Variants in PARD3 observed in about 807,000 individuals in gnomAD.
The protein encoded by PARD3 is partitioning defective 3 homolog.
PARD3 carries 75 observed loss-of-function variants against 155.4 expected under a neutral mutation model. That is an observed-to-expected ratio of 0.48 (90% confidence interval 0.40 to 0.58). The LOEUF is 0.58. Ranked by LOEUF, PARD3 falls within the 20% of genes least tolerant of loss-of-function variation. PARD3 has a pLI of 0.00. For missense variants in PARD3, 1,642 were observed against 1,721.7 expected (o/e 0.95, Z 0.82); for synonymous variants, 576 against 610.5 (o/e 0.94, Z 0.83).
intron 5 of PARD3, among the ~76,000 whole-genome samples, chr10:34,412,402 G>A (rs190155006): frequency 5.9e-4 from 89 of 152,114 alleles, no homozygotes; most frequent in African/African-American, 2.0e-3. Context: ...CTCTCCTTCC[G>A]CTTTAATAAG....
At chr10:34,469,269 C>T (rs574104782) in intron 4 of PARD3, among the ~76,000 whole-genome samples, 1 of 152,296 alleles carries the variant, frequency 6.6e-6, no homozygotes, top group Admixed American at 6.5e-5. Context: ...TGCCAGCACA[C>T]CTGGCTAATT....
intron 24 of PARD3, among the ~76,000 whole-genome samples, chr10:34,116,263 T>TG (rs1451431572): frequency 2.6e-5 from 4 of 152,234 alleles, no homozygotes; most frequent in African/African-American, 9.6e-5. Context: ...CCACCTTATC[T>TG]AATGCAACGG....
intron 22 of PARD3, among the ~76,000 whole-genome samples, chr10:34,185,279 G>C (rs1443481784): frequency 1.3e-5 from 2 of 152,344 alleles, no homozygotes; most frequent in East Asian, 3.9e-4. Context: ...CCTGGGTCCT[G>C]ATCTGCAAAT....
intron 1 of PARD3, among the ~76,000 whole-genome samples, chr10:34,750,775 G>GC (rs1296864728): frequency 1.3e-5 from 2 of 148,664 alleles, no homozygotes; most frequent in East Asian, 2.0e-4. Flanking sequence ...TGCAACCTCC[G>GC]CCCCCCGGGT....
At chr10:34,270,306 C>A (rs906347348) in intron 21 of PARD3, among the ~76,000 whole-genome samples, 7 of 152,010 alleles carry the variant, frequency 4.6e-5, no homozygotes, top group African/African-American at 1.7e-4. Flanking sequence ...CCACGCCTGG[C>A]TAATTTTTGT....
intron 2 of PARD3, among the ~76,000 whole-genome samples, chr10:34,635,526 G>T (rs556718401): frequency 1.4e-4 from 22 of 152,284 alleles, no homozygotes; most frequent in African/African-American, 5.1e-4. Flanking sequence ...CAGAACTAAG[G>T]GAGATAGTAA....
At chr10:34,502,129 A>G (rs1282185085) in intron 3 of PARD3, among the ~76,000 whole-genome samples, 2 of 152,208 alleles carry the variant, frequency 1.3e-5, no homozygotes, top group African/African-American at 4.8e-5. Context: ...TTGGTTGTTT[A>G]TCAGCCACCC....
At position 34,698,674 on chromosome 10, in the gene PARD3, T is replaced by G. The variant is rs1028112618; in HGVS notation, c.121-2255A>C. 5.9e-5 allele frequency among the ~76,000 whole-genome samples: 9 copies of G among 152,198 alleles called. 1 individual carries two copies. The highest frequency in any genetic ancestry group is 1.3e-4 in the Admixed American group (2 of 15,284). On this transcript the variant is annotated intron_variant, in intron 1 of 24. Transcript: ENST00000374788. ...CTCCCACCTCAGCCTCCCAAAGTGC[T>G]GGGATGATAGGCATGAGCCACTGAG...
At chr10:34,684,778 TAC>T (rs3087285) in intron 2 of PARD3, among the ~76,000 whole-genome samples, 6,378 of 118,694 alleles carry the variant, frequency 0.054, 129 homozygotes, top group East Asian at 0.079. Context: ...TGATGATACA[TAC>T]ACACACACAC....
chr10:34,651,049 A>AAAAAAAAAAAG (rs1564461753), intron 2 of PARD3, among the ~76,000 whole-genome samples: 1 of 128,866 alleles, frequency 7.8e-6, no homozygotes, highest in Non-Finnish European at 1.6e-5. Context: ...AAAAAAAAAA[A>AAAAAAAAAAAG]GGCAGTACAC....
chr10:34,289,276 G>A (rs1310484644), intron 20 of PARD3, among the ~76,000 whole-genome samples: 2 of 152,118 alleles, frequency 1.3e-5, no homozygotes, highest in Admixed American at 6.5e-5. Flanking sequence ...TGCAACCTCC[G>A]CCTCCCAGGT....
At chr10:34,550,529 T>C (rs1403194746) in intron 2 of PARD3, among the ~76,000 whole-genome samples, 2 of 152,150 alleles carry the variant, frequency 1.3e-5, no homozygotes, top group Non-Finnish European at 2.9e-5. Flanking sequence ...CCACCTTTAA[T>C]GTATTGGAAC....
intron 13 of PARD3, among the ~76,000 whole-genome samples, chr10:34,359,689 C>G (rs1215311155): frequency 6.6e-6 from 1 of 152,078 alleles, no homozygotes; most frequent in Non-Finnish European, 1.5e-5. Context: ...AGAACTGTCC[C>G]CTTAACAAAT....
At chr10:34,416,988 A>G (rs1184904358) in intron 5 of PARD3, among the ~76,000 whole-genome samples, 1 of 152,236 alleles carries the variant, frequency 6.6e-6, no homozygotes, top group Non-Finnish European at 1.5e-5. Context: ...AGCAAGGATG[A>G]TAACAGGGGA....
intron 22 of PARD3, among the ~76,000 whole-genome samples, chr10:34,216,931 CCTCATT>C (rs1206199478): frequency 1.3e-5 from 2 of 152,212 alleles, no homozygotes; most frequent in Admixed American, 1.3e-4. Flanking sequence ...CCATCCCCAT[CCTCATT>C]GAATGACATT....
chr10:34,219,994 A>C (rs1386646047), intron 22 of PARD3, among the ~76,000 whole-genome samples: 1 of 152,232 alleles, frequency 6.6e-6, no homozygotes, highest in Non-Finnish European at 1.5e-5. Flanking sequence ...GCCTACTTAG[A>C]TAAATGACTT....
At chr10:34,521,074 T>A (rs2082114342) in intron 2 of PARD3, among the ~76,000 whole-genome samples, 1 of 152,220 alleles carries the variant, frequency 6.6e-6, no homozygotes, top group East Asian at 1.9e-4. Context: ...GAGTCCTTTC[T>A]GCAAACTGAA....
At position 34,746,823 on chromosome 10, in the gene PARD3, T is replaced by G. The variant is rs564152916; in HGVS notation, c.121-50404A>C. Among the ~76,000 whole-genome samples the G allele has an allele frequency of 1.7e-3, 261 of 152,310 alleles. 1 individual carries two copies. Among genetic ancestry groups the G allele is most frequent in the African/African-American group, 6.2e-3 (256 of 41,562 alleles). On this transcript the variant is annotated intron_variant, in intron 1 of 24. Coordinates refer to ENST00000374788, the MANE Select transcript of PARD3 (RefSeq NM_001184785.2). ...AAATAACATAAAACATAAATAAGTT[T>G]CTGTGACATTTTTACTAAAAGGGAG...
intron 19 of PARD3, among the ~76,000 whole-genome samples, chr10:34,322,068 A>T (rs1958415743): frequency 6.6e-6 from 1 of 152,132 alleles, no homozygotes; most frequent in Non-Finnish European, 1.5e-5. Context: ...CTCTGTGTCC[A>T]GGAATGCAAC....
Sources: gnomAD v4.1 joint callset for allele counts (sites outside exome capture counted in the v4.1 genomes callset) on GRCh38, gnomAD v4.1.1 for gene constraint, MANE v1.5 for transcripts, NCBI Gene and HGNC (gene_info 2026-07-23, HGNC 2026-07-21) for gene names.